Variants in TRPC1 observed in about 807,000 individuals in gnomAD.
TRPC1 encodes transient receptor potential cation channel subfamily C member 1.
TRPC1 carries 42 observed loss-of-function variants against 88.2 expected under a neutral mutation model. That is an observed-to-expected ratio of 0.48 (90% CI 0.37 to 0.62). The LOEUF is 0.62. Among genes scored for constraint, TRPC1 ranks in the 20% least tolerant of loss-of-function variants. The pLI, the probability that TRPC1 is intolerant of heterozygous loss-of-function variation, is 0.00. For synonymous variants in TRPC1, 288 were observed against 331.8 expected (o/e 0.87, Z 1.43); for missense variants, 699 against 957.3 (o/e 0.73, Z 3.56).
intron 4 of TRPC1, among the ~76,000 whole-genome samples, chr3:142,761,384 A>G (rs1336503785): frequency 2.0e-5 from 3 of 152,158 alleles, no homozygotes; most frequent in African/African-American, 7.2e-5. Flanking sequence ...ATTGATACAT[A>G]TATGTTGAAT....
At chr3:142,797,165 A>G (rs1052598326) in intron 9 of TRPC1, among the ~76,000 whole-genome samples, 1 of 149,436 alleles carries the variant, frequency 6.7e-6, no homozygotes, top group African/African-American at 2.5e-5. Flanking sequence ...AACTAAGTGG[A>G]AAAAAGGTTG....
intron 2 of TRPC1, 139 bp downstream of exon 2, chr3:142,736,672 T>C: frequency 1.2e-6 from 1 of 819,770 alleles, no homozygotes; most frequent in Middle Eastern, 2.7e-4. Context: ...TTACTCTCCT[T>C]CTGTCTTTCA....
In TRPC1 at chr3:142,753,518, C is replaced by A. The variant is rs186574401; in HGVS notation, c.632+5058C>A. On this transcript the variant is annotated intron_variant, in intron 4 of 12. Coordinates refer to ENST00000476941, the MANE Select transcript of TRPC1 (RefSeq NM_001251845.2). ...CGGTGGCTCACGCCTGTAATCCTAGCACTTTGGAGGCCGAGGCAGGCCGAT... is the reference window on the plus strand; with the variant it reads ...CGGTGGCTCACGCCTGTAATCCTAGAACTTTGGAGGCCGAGGCAGGCCGAT... Among the ~76,000 whole-genome samples the A allele has an allele frequency of 5.7e-4, 87 of 152,120 alleles. 1 individual carries two copies. In the East Asian group the frequency reaches 0.01, roughly 18 times the overall value.
intron 9 of TRPC1, among the ~76,000 whole-genome samples, chr3:142,798,377 AAACAT>A (rs1936515579): frequency 6.6e-6 from 1 of 152,216 alleles, no homozygotes; most frequent in African/African-American, 2.4e-5. Flanking sequence ...TAGAGGAGAC[AAACAT>A]AACATAAATA....
intron 4 of TRPC1, among the ~76,000 whole-genome samples, chr3:142,758,351 C>T (rs1935056026): frequency 6.6e-6 from 1 of 152,158 alleles, no homozygotes; most frequent in South Asian, 2.1e-4. Context: ...GATGATACTG[C>T]ATTGTGATTT....
rs1326012513 is a variant in TRPC1, at chr3:142,807,853, A to G, written c.*1618A>G. On this transcript the variant is annotated 3_prime_UTR_variant, in exon 13 of 13. Coordinates refer to ENST00000476941, the MANE Select transcript of TRPC1 (RefSeq NM_001251845.2). The stretch of plus-strand genomic sequence containing the variant: ...TTGAATGACAGCATATTGTAAGAAA[A>G]AAAAAGGTGAATAAAATTTGACATT... The G allele has an allele frequency of 6.6e-6, 1 of 152,056 alleles. No homozygotes were observed. The highest frequency in any genetic ancestry group is 1.5e-5 in the Non-Finnish European group (1 of 67,938). The allele number at this position is 152,056 out of a possible 1,614,324, so 9.4% of individuals were successfully genotyped here. A position where few individuals can be genotyped will look rare whatever the true frequency, so the allele number is the denominator to read the frequency against.
At chr3:142,761,964 T>C (rs1376418435) in intron 4 of TRPC1, among the ~76,000 whole-genome samples, 1 of 152,158 alleles carries the variant, frequency 6.6e-6, no homozygotes, top group Non-Finnish European at 1.5e-5. Flanking sequence ...TCTTTCTTAG[T>C]CTAGCTAAGG....
intron 2 of TRPC1, 93 bp downstream of exon 2, chr3:142,736,626 T>G (rs888593965): frequency 2.5e-5 from 28 of 1,109,122 alleles, no homozygotes; most frequent in Middle Eastern, 2.1e-4. Flanking sequence ...TTCTTTTTCC[T>G]CCTCTTCTTC....
rs192373992 is a variant in TRPC1, at chr3:142,762,511, C to T, written c.632+14051C>T. 5.2e-4 allele frequency among the ~76,000 whole-genome samples: 78 copies of T among 149,910 alleles called. 1 individual carries two copies. In the East Asian group the frequency reaches 9.4e-3, roughly 18 times the overall value. ...ATGGCGTGATCTCGGCCACTGCAAC[C>T]TCCACCTCCCGGGTTGAAGCAATTC... On this transcript the variant is annotated intron_variant, in intron 4 of 12. Coordinates refer to ENST00000476941, the MANE Select transcript of TRPC1 (RefSeq NM_001251845.2).
chr3:142,730,418 A>G (rs192819358), intron 1 of TRPC1, among the ~76,000 whole-genome samples: 1 of 152,270 alleles, frequency 6.6e-6, no homozygotes, highest in Admixed American at 6.5e-5. Context: ...TATGGTAATA[A>G]TTGTCTTTTT....
chr3:142,802,333 T>C lies in TRPC1; in HGVS notation c.1746T>C (p.Asp582=). Residue 582 remains aspartate (D), a synonymous_variant, in exon 10 of 13, where the codon GAT becomes GAC. Coordinates refer to ENST00000476941, the MANE Select transcript of TRPC1 (RefSeq NM_001251845.2). ...VGIFCEQQSN[D]TFHSFIGTCF... ...TCTTCTGTGAACAGCAAAGCAATGA[T>C]ACCTTCCATTCGTGAGTATCTTTTA... is the stretch of plus-strand genomic sequence containing the variant. 3 of 1,427,200 alleles carry C rather than the reference T, an allele frequency of 2.1e-6. No individual in the cohort carries two copies. Among genetic ancestry groups the C allele is most frequent in the African/African-American group, 1.5e-5 (1 of 68,060 alleles). The allele number at this position is 1,427,200 out of a possible 1,614,324, so 88.4% of individuals were successfully genotyped here.
At chr3:142,731,373 G>GGTT (rs1933897160) in intron 1 of TRPC1, among the ~76,000 whole-genome samples, 1 of 107,026 alleles carries the variant, frequency 9.3e-6, no homozygotes, top group Non-Finnish European at 1.9e-5. Flanking sequence ...GATATGTTTT[G>GGTT]ATTTTTTTTT....
At chr3:142,733,902 C>T (rs1934028403) in intron 1 of TRPC1, among the ~76,000 whole-genome samples, 1 of 152,166 alleles carries the variant, frequency 6.6e-6, no homozygotes. Context: ...ATAAGAGTTA[C>T]TGTTCTGGGC....
chr3:142,754,359 G>A (rs543595108), intron 4 of TRPC1, among the ~76,000 whole-genome samples: 3 of 151,926 alleles, frequency 2.0e-5, no homozygotes, highest in African/African-American at 4.8e-5. Flanking sequence ...GAGAAACACC[G>A]GAATTGGGAA....
intron 4 of TRPC1, among the ~76,000 whole-genome samples, chr3:142,756,247 G>A (rs1052388862): frequency 6.6e-6 from 1 of 152,056 alleles, no homozygotes. Context: ...TTTTTGTTGG[G>A]TAGACACCTA....
chr3:142,772,592 T>C (rs1935616052), intron 4 of TRPC1, among the ~76,000 whole-genome samples: 1 of 152,068 alleles, frequency 6.6e-6, no homozygotes, highest in African/African-American at 2.4e-5. Flanking sequence ...GATCAGGAGT[T>C]CAAGACCAGC....
intron 12 of TRPC1, 77 bp downstream of exon 12, chr3:142,804,707 T>TA (rs1389420990): frequency 7.1e-7 from 1 of 1,412,874 alleles, no homozygotes; most frequent in Non-Finnish European, 9.6e-7. Context: ...AAAGCGTAAG[T>TA]ATGCAGGTTC....
chr3:142,740,831 A>G (rs1277614569), intron 2 of TRPC1, among the ~76,000 whole-genome samples: 1 of 152,202 alleles, frequency 6.6e-6, no homozygotes, highest in Non-Finnish European at 1.5e-5. Context: ...AATTAAGTCA[A>G]GTTAGCAAAG....
At chr3:142,765,014 A>G (rs766692711) in intron 4 of TRPC1, among the ~76,000 whole-genome samples, 7 of 152,070 alleles carry the variant, frequency 4.6e-5, no homozygotes, top group African/African-American at 1.7e-4. Flanking sequence ...CAGAATTTCT[A>G]TACATCAACA....
Sources: allele counts gnomAD v4.1 joint callset (sites outside exome capture counted in the v4.1 genomes callset), GRCh38; gene constraint gnomAD v4.1.1; transcripts MANE v1.5; gene names NCBI Gene and HGNC (gene_info 2026-07-23, HGNC 2026-07-21).